Variants in RIF1 observed in about 807,000 individuals in gnomAD.
RIF1 encodes the protein replication timing regulatory factor 1.
A neutral mutation model predicts 247.1 loss-of-function variants in RIF1; 45 were observed. The observed-to-expected ratio is 0.18, with a 90% CI of 0.14 to 0.23. RIF1 has a LOEUF of 0.23. Ranked by LOEUF, RIF1 falls within the 10% of genes least tolerant of loss-of-function variation. The pLI is 1.00. For synonymous variants in RIF1, 1,087 were observed against 978.8 expected (o/e 1.11, Z -2.06); for missense variants, 2,967 against 2,862.5 (o/e 1.04, Z -0.83).
At chr2:151,511,468 TAAAAAC>T (rs2153232649), downstream of RIF1, among the ~76,000 whole-genome samples, 1 of 152,228 alleles carries the variant, frequency 6.6e-6, no homozygotes, top group South Asian at 2.1e-4. Flanking sequence ...CTGTGAAAAT[TAAAAAC>T]AAACAAAAAT....
chr2:151,493,131 G>A, intron 9 of RIF1: 1 of 496,708 alleles, frequency 2.0e-6, no homozygotes, highest in Non-Finnish European at 3.6e-6. Flanking sequence ...TAGTATGATG[G>A]TTTGGAATGT....
chr2:151,411,191 A>T, intron 2 of RIF1, 69 bp from the exon 3 acceptor site: 1 of 925,686 alleles, frequency 1.1e-6, no homozygotes, highest in Middle Eastern at 2.4e-4. Flanking sequence ...AAGATTGTAC[A>T]TGTATTTTTG....
At chr2:151,498,565 A>T (rs1346129716) in intron 10 of RIF1, among the ~76,000 whole-genome samples, 1 of 152,198 alleles carries the variant, frequency 6.6e-6, no homozygotes, top group Non-Finnish European at 1.5e-5. Context: ...AAGAAATAGG[A>T]AAAGAAAGGT....
chr2:151,462,206 C>A, intron 27 of RIF1, 36 bp from the exon 28 acceptor site: 2 of 1,304,516 alleles, frequency 1.5e-6, no homozygotes, highest in Admixed American at 1.9e-5. Flanking sequence ...GAATATCATC[C>A]GGTTTTTGAA....
At chr2:151,424,103 G>A (rs1461799839) in intron 8 of RIF1, among the ~76,000 whole-genome samples, 2 of 152,058 alleles carry the variant, frequency 1.3e-5, no homozygotes, top group African/African-American at 4.8e-5. Flanking sequence ...TAAGCATAAA[G>A]TTTTTTTATT....
At chr2:151,527,119 G>A in the RIF1 span, 1 of 760,622 alleles carries the variant, frequency 1.3e-6, no homozygotes, top group South Asian at 1.8e-5. Flanking sequence ...TTAAGGAGAG[G>A]ACAAAGACTT....
At chr2:151,471,356 A>G (rs1034803243) in intron 34 of RIF1, among the ~76,000 whole-genome samples, 4 of 152,298 alleles carry the variant, frequency 2.6e-5, no homozygotes, top group Non-Finnish European at 4.4e-5. Context: ...TTTGCTGTGC[A>G]GAAGCTCTTT....
chr2:151,519,689 A>C, the RIF1 span: 1 of 1,612,588 alleles, frequency 6.2e-7, no homozygotes, highest in Non-Finnish European at 8.5e-7. Context: ...ATCTTTCATG[A>C]CTTTGTAGAG....
chr2:151,467,900 A>G, intron 30 of RIF1, 100 bp from the exon 31 acceptor site: 1 of 1,165,242 alleles, frequency 8.6e-7, no homozygotes, highest in Non-Finnish European at 1.2e-6. Flanking sequence ...AATTTTCTAA[A>G]CCCACATTCT....
chr2:151,436,945 C>T lies in RIF1; in HGVS notation c.1314C>T (p.Phe438=), dbSNP rs1168156374. The change falls in exon 12 of 36, where the codon TTC becomes TTT. Residue 438 remains phenylalanine (F), a synonymous_variant. Transcript: ENST00000444746. Reference sequence around the variant, plus strand: ...TGGGACTTGAAATGTTGCTTCATTTCTTGTTGGGTCCAGAAGCCTTGAGTT... The same window carrying T: ...TGGGACTTGAAATGTTGCTTCATTTTTTGTTGGGTCCAGAAGCCTTGAGTT... ...QLLGLEMLLH[F]LLGPEALSFA... 6.2e-7 allele frequency: 1 copy of T among 1,613,904 alleles called. No homozygotes were observed. The highest frequency in any genetic ancestry group is 2.2e-5 in the East Asian group (1 of 44,878).
chr2:151,532,209 G>T, the RIF1 span: 1 of 224,792 alleles, frequency 4.4e-6, no homozygotes, highest in Non-Finnish European at 8.8e-6. Context: ...CAATTCTTCT[G>T]CCTCAGCCTC....
In RIF1 at chr2:151,480,550, CCT is replaced by C. The variant is rs1353939753; in HGVS notation, c.*5480_*5481del. 2 of 151,942 alleles carry C rather than the reference CCT, an allele frequency of 1.3e-5. No individual in the cohort carries two copies. Among genetic ancestry groups the C allele is most frequent in the Non-Finnish European group, 2.9e-5 (2 of 67,992 alleles). The allele number at this position is 151,942 out of a possible 1,614,324, so 9.4% of individuals were successfully genotyped here. ...TATTATAATTGATGTTCATAAATACCCTGAGAGATTATGTTAAAATACATTAT... is the reference window on the plus strand; with the variant it reads ...TATTATAATTGATGTTCATAAATACCGAGAGATTATGTTAAAATACATTAT... On this transcript the variant is annotated 3_prime_UTR_variant, in exon 36 of 36. Transcript: ENST00000444746.
intron 12 of RIF1, chr2:151,505,651 A>G (rs1559331251): frequency 2.5e-6 from 3 of 1,198,018 alleles, no homozygotes; most frequent in South Asian, 1.2e-5. Context: ...TGTTTTTTGT[A>G]GCCCCCAAAT....
intron 24 of RIF1, among the ~76,000 whole-genome samples, 184 bp downstream of exon 24, chr2:151,458,147 A>G (rs1276483139): frequency 6.6e-6 from 1 of 152,076 alleles, no homozygotes. Context: ...GGTGCTTAGA[A>G]TAATCTTGAT....
intron 14 of RIF1, among the ~76,000 whole-genome samples, chr2:151,439,002 T>C (rs1438978332): frequency 2.0e-5 from 3 of 152,188 alleles, no homozygotes; most frequent in African/African-American, 7.2e-5. Flanking sequence ...TAACTTACTA[T>C]CGATTGGAAG....
At chr2:151,428,493 T>G (rs553896189) in intron 8 of RIF1, among the ~76,000 whole-genome samples, 1 of 152,116 alleles carries the variant, frequency 6.6e-6, no homozygotes, top group East Asian at 2.0e-4. Context: ...CCTAATTTTC[T>G]GTTTTAGAAA....
intron 4 of RIF1, among the ~76,000 whole-genome samples, 194 bp downstream of exon 4, chr2:151,415,113 C>T (rs1024844274): frequency 6.6e-6 from 1 of 151,622 alleles, no homozygotes; most frequent in South Asian, 2.1e-4. Context: ...TTTGGGAGGC[C>T]GAGGCGGGTG....
chr2:151,476,918 CTG>C lies in RIF1; in HGVS notation c.*1850_*1851del, dbSNP rs2048957018. 6.6e-6 allele frequency: 1 copy of C among 152,164 alleles called. No homozygotes were observed. The highest frequency in any genetic ancestry group is 1.5e-5 in the Non-Finnish European group (1 of 68,030). 9.4% of individuals were successfully genotyped at this position (152,164 alleles called of 1,614,324 possible). A position where few individuals can be genotyped will look rare whatever the true frequency, so the allele number is the denominator to read the frequency against. On this transcript the variant is annotated 3_prime_UTR_variant, in exon 36 of 36. Transcript: ENST00000444746. Reference sequence around the variant, plus strand: ...ATTAAAATCAGTTCGTTTCATGACTCTGTGCCTTAACGTTTGTGTGAACTAAA... The same window carrying C: ...ATTAAAATCAGTTCGTTTCATGACTCTGCCTTAACGTTTGTGTGAACTAAA...
At chr2:151,500,261 A>G (rs1227608703) in intron 11 of RIF1, among the ~76,000 whole-genome samples, 1 of 152,162 alleles carries the variant, frequency 6.6e-6, no homozygotes, top group East Asian at 1.9e-4. Context: ...TCAAAGAATC[A>G]AACTTTTAGA....
Sources: gnomAD v4.1 joint callset for allele counts (sites outside exome capture counted in the v4.1 genomes callset) on GRCh38, gnomAD v4.1.1 for gene constraint, MANE v1.5 for transcripts, NCBI Gene and HGNC (gene_info 2026-07-23, HGNC 2026-07-21) for gene names.